The following SNTG1 variants were observed in gnomAD, a reference collection of about 807,000 sequenced individuals.
SNTG1 encodes the protein syntrophin gamma 1.
A neutral mutation model predicts 74.7 loss-of-function variants in SNTG1; 39 were observed. That is an observed-to-expected ratio of 0.52 (90% confidence interval 0.40 to 0.68). The LOEUF (loss-of-function observed/expected upper bound fraction) is 0.68, where lower values mean the gene tolerates loss of function less well. SNTG1 is among the 30% of genes least tolerant of loss of function. SNTG1 has a pLI of 0.00. For missense variants in SNTG1, 685 were observed against 609.5 expected (o/e 1.12, Z -1.30); for synonymous variants, 254 against 217.1 (o/e 1.17, Z -1.49).
At chr8:50,282,861 G>A (rs78213493) in intron 2 of SNTG1, among the ~76,000 whole-genome samples, 7,981 of 152,188 alleles carry the variant, frequency 0.052, 236 homozygotes, top group Middle Eastern at 0.12. Context: ...TCCAATCCTT[G>A]GTAATGCAAC....
At chr8:50,367,454 C>A (rs1485756088) in intron 2 of SNTG1, among the ~76,000 whole-genome samples, 1 of 151,970 alleles carries the variant, frequency 6.6e-6, no homozygotes, top group Non-Finnish European at 1.5e-5. Context: ...GATTTTAACC[C>A]TGCATATAAA....
chr8:50,428,286 G>A (rs977268551), intron 4 of SNTG1, among the ~76,000 whole-genome samples: 8 of 152,094 alleles, frequency 5.3e-5, no homozygotes, highest in Non-Finnish European at 8.8e-5. Flanking sequence ...TTCCAGCCTC[G>A]GCAACAGAGT....
chr8:50,075,146 C>T (rs1253612319), intron 1 of SNTG1, among the ~76,000 whole-genome samples: 4 of 152,202 alleles, frequency 2.6e-5, no homozygotes, highest in Non-Finnish European at 4.4e-5. Flanking sequence ...GCCTCTCCGC[C>T]TCCCCCCTGT....
At chr8:50,091,116 A>AT (rs1323307974) in intron 1 of SNTG1, among the ~76,000 whole-genome samples, 2 of 151,928 alleles carry the variant, frequency 1.3e-5, no homozygotes, top group Non-Finnish European at 2.9e-5. Flanking sequence ...ATAAAAATAT[A>AT]TTTTTTCTTA....
intron 2 of SNTG1, among the ~76,000 whole-genome samples, chr8:50,360,551 C>G (rs1257378798): frequency 6.6e-6 from 1 of 152,084 alleles, no homozygotes; most frequent in Non-Finnish European, 1.5e-5. Flanking sequence ...GGGGATCTTG[C>G]TGTTGTGCCA....
intron 1 of SNTG1, among the ~76,000 whole-genome samples, chr8:50,078,589 G>C (rs1057100968): frequency 1.4e-4 from 22 of 152,194 alleles, no homozygotes; most frequent in Admixed American, 1.3e-3. Context: ...TACACCTGCT[G>C]AGCATGCAGG....
At chr8:49,944,094 T>G (rs935474663) in intron 1 of SNTG1, among the ~76,000 whole-genome samples, 1 of 152,188 alleles carries the variant, frequency 6.6e-6, no homozygotes, top group Non-Finnish European at 1.5e-5. Flanking sequence ...CCAAATTATT[T>G]CAGCAGTTAC....
At chr8:50,774,371 A>G (rs1328844372) in intron 18 of SNTG1, among the ~76,000 whole-genome samples, 1 of 151,894 alleles carries the variant, frequency 6.6e-6, no homozygotes, top group Non-Finnish European at 1.5e-5. Context: ...AATGACTCAC[A>G]ACATGCAAAG....
chr8:50,404,849 T>C (rs2092851578), intron 4 of SNTG1, among the ~76,000 whole-genome samples: 1 of 152,116 alleles, frequency 6.6e-6, no homozygotes, highest in Non-Finnish European at 1.5e-5. Flanking sequence ...ACTGTTCTAC[T>C]TTCTGCCTCT....
chr8:50,343,594 T>C (rs1364983593), intron 2 of SNTG1, among the ~76,000 whole-genome samples: 3 of 152,178 alleles, frequency 2.0e-5, no homozygotes, highest in Non-Finnish European at 4.4e-5. Flanking sequence ...ATGTAAATAG[T>C]GAACAAATAG....
In SNTG1 at chr8:50,716,479, T is replaced by C. The variant is rs573635139; in HGVS notation, c.1284+7501T>C. On this transcript the variant is annotated intron_variant, in intron 17 of 18. Transcript: ENST00000642720. ...GTTTGATGTAATTTTTATGTTCTTC[T>C]TCAGATAAATTATTTCTTCTTTGCT... is the stretch of plus-strand genomic sequence containing the variant. Among the ~76,000 whole-genome samples the C allele has an allele frequency of 7.2e-4, 110 of 152,082 alleles. 1 individual carries two copies. The highest frequency in any genetic ancestry group is 1.5e-3 in the Non-Finnish European group (100 of 68,002).
intron 1 of SNTG1, among the ~76,000 whole-genome samples, chr8:49,914,259 C>A (rs1432821122): frequency 1.3e-5 from 2 of 151,890 alleles, no homozygotes; most frequent in Non-Finnish European, 2.9e-5. Context: ...GATATCTGTA[C>A]CCCACTAAGG....
At position 50,794,119 on chromosome 8, in the gene SNTG1, T is replaced by TAAAA. The variant is rs769247653; in HGVS notation, c.*1302_*1305dup. 1.4e-5 allele frequency: 2 copies of TAAAA among 141,258 alleles called. No homozygotes were observed. The highest frequency in any genetic ancestry group is 4.5e-4 in the South Asian group (2 of 4,462). 8.8% of individuals were successfully genotyped at this position (141,258 alleles called of 1,614,324 possible). On this transcript the variant is annotated 3_prime_UTR_variant, in exon 19 of 19. Transcript: ENST00000642720. Reference sequence around the variant, plus strand: ...TATTTTAAAAAGTCAGCTGTGTATGTAAAAAAAAAAAAAAATTTTTATTGA... The same window carrying TAAAA: ...TATTTTAAAAAGTCAGCTGTGTATGTAAAAAAAAAAAAAAAAAAATTTTTATTGA...
At chr8:50,183,076 G>C (rs1340012873) in intron 2 of SNTG1, among the ~76,000 whole-genome samples, 1 of 152,014 alleles carries the variant, frequency 6.6e-6, no homozygotes, top group South Asian at 2.1e-4. Flanking sequence ...GACCCATTCT[G>C]TTACCTTGCT....
chr8:50,444,764 A>AGAAAAAG (rs1554528649), intron 5 of SNTG1, among the ~76,000 whole-genome samples: 1 of 140,240 alleles, frequency 7.1e-6, no homozygotes, highest in African/African-American at 2.7e-5. Flanking sequence ...AAAAAAAAAA[A>AGAAAAAG]AAAGAAAGAG....
intron 13 of SNTG1, among the ~76,000 whole-genome samples, chr8:50,617,553 A>C (rs1290484175): frequency 6.6e-6 from 1 of 152,212 alleles, no homozygotes; most frequent in Non-Finnish European, 1.5e-5. Context: ...AATGAGCCAC[A>C]GACAAAACTC....
intron 13 of SNTG1, among the ~76,000 whole-genome samples, chr8:50,602,843 G>A (rs1214655140): frequency 1.3e-5 from 2 of 150,502 alleles, no homozygotes; most frequent in Non-Finnish European, 2.9e-5. Context: ...CTACTGGCCT[G>A]TCAGGTTTCC....
At chr8:50,689,976 G>A (rs2095370487) in intron 15 of SNTG1, among the ~76,000 whole-genome samples, 1 of 152,112 alleles carries the variant, frequency 6.6e-6, no homozygotes, top group South Asian at 2.1e-4. Flanking sequence ...TTTAGTCTTG[G>A]GAGGATGTAT....
At chr8:50,190,759 G>T (rs751111626) in intron 2 of SNTG1, among the ~76,000 whole-genome samples, 1 of 152,036 alleles carries the variant, frequency 6.6e-6, no homozygotes, top group Non-Finnish European at 1.5e-5. Flanking sequence ...AAGATCCTCC[G>T]CACATCACAG....
Sources: gnomAD v4.1 joint callset for allele counts (sites outside exome capture counted in the v4.1 genomes callset) on GRCh38, gnomAD v4.1.1 for gene constraint, MANE v1.5 for transcripts, NCBI Gene and HGNC (gene_info 2026-07-23, HGNC 2026-07-21) for gene names.